ESR1: variants seen among roughly 807,000 people sequenced by gnomAD.
ESR1 encodes the protein estrogen receptor.
ESR1 carries 12 observed loss-of-function variants against 52.7 expected under a neutral mutation model. That is an observed-to-expected ratio of 0.23 (90% confidence interval 0.15 to 0.37). ESR1 has a LOEUF of 0.37. Ranked by LOEUF, ESR1 falls within the 10% of genes least tolerant of loss-of-function variation. ESR1 has a pLI of 1.00. For missense variants in ESR1, 584 were observed against 779.7 expected (o/e 0.75, Z 2.99); for synonymous variants, 305 against 316.8 (o/e 0.96, Z 0.39).
chr6:151,758,761 TAAAA>T (rs67609508), intron 2 of ESR1, among the ~76,000 whole-genome samples: 1 of 124,332 alleles, frequency 8.0e-6, no homozygotes. Flanking sequence ...TGTCTCAAAT[TAAAA>T]AAAAAAAAAA....
intron 2 of ESR1, among the ~76,000 whole-genome samples, chr6:151,857,972 A>G (rs1302390048): frequency 6.6e-6 from 1 of 152,206 alleles, no homozygotes; most frequent in Non-Finnish European, 1.5e-5. Flanking sequence ...CTTCTGTAAT[A>G]AAAACTTCAT....
intron 2 of ESR1, among the ~76,000 whole-genome samples, chr6:151,750,760 C>T (rs1043887583): frequency 1.3e-5 from 2 of 152,008 alleles, no homozygotes; most frequent in African/African-American, 4.8e-5. Flanking sequence ...AGGTAAACTT[C>T]GTTCTGAAAA....
intron 3 of ESR1, among the ~76,000 whole-genome samples, chr6:151,894,819 G>A (rs1680833529): frequency 1.3e-5 from 2 of 152,118 alleles, no homozygotes; most frequent in African/African-American, 2.4e-5. Flanking sequence ...ATCAGGTAAT[G>A]TGATGCCTCC....
chr6:152,097,952 G>A (rs1487894115), intron 7 of ESR1, among the ~76,000 whole-genome samples: 1 of 152,214 alleles, frequency 6.6e-6, no homozygotes, highest in Non-Finnish European at 1.5e-5. Flanking sequence ...ACAGAACGGT[G>A]TGAAAGAGGA....
chr6:151,786,581 T>G (rs530970192), intron 2 of ESR1, among the ~76,000 whole-genome samples: 1 of 152,282 alleles, frequency 6.6e-6, no homozygotes, highest in African/African-American at 2.4e-5. Flanking sequence ...AGGAGACTTT[T>G]GGCTTTAGAC....
At chr6:152,058,241 A>G (rs939943690) in intron 5 of ESR1, among the ~76,000 whole-genome samples, 1 of 152,192 alleles carries the variant, frequency 6.6e-6, no homozygotes, top group Non-Finnish European at 1.5e-5. Context: ...CATGACAAGA[A>G]AAACCCACTT....
rs140832246 is a variant in ESR1 at position 151,819,654 on chromosome 6, C to T, written c.452+11290C>T. 1.5e-4 allele frequency among the ~76,000 whole-genome samples: 23 copies of T among 152,278 alleles called. No homozygotes were observed. The East Asian group carries it at 4.2e-3, about 28-fold the overall frequency. On this transcript the variant is annotated intron_variant, in intron 1 of 7. Transcript: ENST00000206249. The stretch of plus-strand genomic sequence containing the variant: ...GTTGCAGGAAAACAAGTTCAGGGCT[C>T]TCACTGAATCTACATTATGGTGAGT...
intron 3 of ESR1, among the ~76,000 whole-genome samples, chr6:151,894,997 A>G (rs111842495): frequency 0.029 from 4,413 of 152,008 alleles, 208 homozygotes; most frequent in African/African-American, 0.1. Context: ...TTTTCACAAT[A>G]TTGATTCTAC....
chr6:151,944,010 T>C lies in ESR1; in HGVS notation c.761-163T>C, dbSNP rs185732707. Among the ~76,000 whole-genome samples the C allele has an allele frequency of 3.3e-3, 510 of 152,362 alleles. 2 individuals carry two copies. The highest frequency in any genetic ancestry group is 0.012 in the African/African-American group (487 of 41,580). On this transcript the variant is annotated intron_variant, in intron 3 of 7. Transcript: ENST00000206249. Reference sequence around the variant, plus strand: ...AAACTGCTACAAATAGAAATCTTTTTCTTCTTCTCTTGGAGAGCCACTTGT... The same window carrying C: ...AAACTGCTACAAATAGAAATCTTTTCCTTCTTCTCTTGGAGAGCCACTTGT...
At chr6:151,688,951 A>G (rs1778793315), upstream of ESR1, among the ~76,000 whole-genome samples, 1 of 152,212 alleles carries the variant, frequency 6.6e-6, no homozygotes, top group Non-Finnish European at 1.5e-5. Context: ...TTGGAATGCA[A>G]ACGAATATCA....
chr6:152,015,637 T>G (rs1288422852), intron 5 of ESR1, among the ~76,000 whole-genome samples: 1 of 152,212 alleles, frequency 6.6e-6, no homozygotes, highest in Non-Finnish European at 1.5e-5. Flanking sequence ...AATCTACATC[T>G]TCTGATAGTC....
chr6:151,878,089 A>T (rs1462842588), intron 2 of ESR1, among the ~76,000 whole-genome samples: 2 of 152,136 alleles, frequency 1.3e-5, no homozygotes, highest in Admixed American at 6.5e-5. Context: ...TACTGGAATT[A>T]TAGGCATGAG....
chr6:151,868,912 G>T (rs1000846402), intron 2 of ESR1, among the ~76,000 whole-genome samples: 63 of 152,298 alleles, frequency 4.1e-4, no homozygotes, highest in Non-Finnish European at 1.3e-4. Context: ...AGGGTCGAAA[G>T]TGTACAAGGG....
intron 4 of ESR1, among the ~76,000 whole-genome samples, chr6:151,968,275 A>G (rs912563566): frequency 3.3e-5 from 5 of 152,212 alleles, no homozygotes; most frequent in Non-Finnish European, 7.4e-5. Context: ...TTAACTCAAG[A>G]TGGATTAAAG....
At chr6:152,105,129 CT>C (rs1301328846), downstream of ESR1, among the ~76,000 whole-genome samples, 6 of 152,280 alleles carry the variant, frequency 3.9e-5, no homozygotes, top group African/African-American at 1.4e-4. Context: ...CCATCTGTAT[CT>C]TTTTCATTAT....
intron 2 of ESR1, among the ~76,000 whole-genome samples, chr6:151,714,664 C>CA (rs1562350235): frequency 6.6e-6 from 1 of 150,830 alleles, no homozygotes; most frequent in African/African-American, 2.4e-5. Flanking sequence ...GCAACCCCTG[C>CA]TTTTTTTTTG....
At chr6:151,840,395 C>G (rs73780875) in intron 1 of ESR1, among the ~76,000 whole-genome samples, 1,780 of 152,238 alleles carry the variant, frequency 0.012, 30 homozygotes, top group African/African-American at 0.039. Flanking sequence ...AGCCAGTGCT[C>G]TCTAATGAAC....
At chr6:151,812,276 T>C (rs1369087494) in intron 1 of ESR1, among the ~76,000 whole-genome samples, 8 of 152,202 alleles carry the variant, frequency 5.3e-5, no homozygotes, top group Non-Finnish European at 1.2e-4. Context: ...TTTACTCACA[T>C]GTTAATATTT....
At chr6:152,079,349 G>T (rs2049005838) in intron 6 of ESR1, among the ~76,000 whole-genome samples, 1 of 152,202 alleles carries the variant, frequency 6.6e-6, no homozygotes, top group South Asian at 2.1e-4. Flanking sequence ...GGCAAACAGG[G>T]TCTGGGGTGG....
Sources: allele counts gnomAD v4.1 joint callset (sites outside exome capture counted in the v4.1 genomes callset), GRCh38; gene constraint gnomAD v4.1.1; transcripts MANE v1.5; gene names NCBI Gene and HGNC (gene_info 2026-07-23, HGNC 2026-07-21).